Variants in PPP2R5C observed in about 807,000 individuals in gnomAD.
The protein encoded by PPP2R5C is protein phosphatase 2 regulatory subunit B'gamma, also known as serine/threonine-protein phosphatase 2A 56 kDa regulatory subunit gamma isoform.
Under a neutral mutation model 68.9 loss-of-function variants are expected in PPP2R5C, and 7 were observed. That is an observed-to-expected ratio of 0.10 (90% CI 0.06 to 0.19). PPP2R5C has a LOEUF of 0.19. Among genes scored for constraint, PPP2R5C ranks in the 10% least tolerant of loss-of-function variants. The probability of loss-of-function intolerance (pLI) is 1.00; values close to 1 mark genes in which losing one functional copy is unlikely to be tolerated. For synonymous variants in PPP2R5C, 210 were observed against 222.2 expected (o/e 0.95, Z 0.49); for missense variants, 348 against 641.3 (o/e 0.54, Z 4.94).
chr14:101,873,281 C>G (rs1326702872), intron 2 of PPP2R5C, among the ~76,000 whole-genome samples: 1 of 152,202 alleles, frequency 6.6e-6, no homozygotes, highest in Non-Finnish European at 1.5e-5. Flanking sequence ...TCTCCTGCTT[C>G]TTTGCGTGTC....
chr14:101,886,652 A>T (rs1890159646), intron 5 of PPP2R5C, among the ~76,000 whole-genome samples: 1 of 152,078 alleles, frequency 6.6e-6, no homozygotes, highest in Non-Finnish European at 1.5e-5. Flanking sequence ...TCCTCATTTC[A>T]TGTGAGGAAA....
At chr14:101,773,219 G>A (rs991199875) in intron 2 of PPP2R5C, among the ~76,000 whole-genome samples, 2 of 152,034 alleles carry the variant, frequency 1.3e-5, no homozygotes, top group African/African-American at 4.8e-5. Flanking sequence ...TGTTTTCTGC[G>A]GGGCACTAGT....
intron 1 of PPP2R5C, among the ~76,000 whole-genome samples, chr14:101,832,268 AG>A (rs991630092): frequency 1.3e-5 from 2 of 152,222 alleles, no homozygotes; most frequent in African/African-American, 4.8e-5. Context: ...GATTCCTCCA[AG>A]TGTGGCAAGT....
chr14:101,808,090 AGAG>A (rs1337460190), upstream of PPP2R5C, among the ~76,000 whole-genome samples: 27 of 150,704 alleles, frequency 1.8e-4, no homozygotes, highest in South Asian at 2.3e-3. Flanking sequence ...GGCATCACTC[AGAG>A]GAGGAGGAGG....
At chr14:101,799,141 G>A (rs1186540914) in intron 3 of PPP2R5C, among the ~76,000 whole-genome samples, 2 of 152,134 alleles carry the variant, frequency 1.3e-5, no homozygotes, top group Non-Finnish European at 1.5e-5. Flanking sequence ...GCCACAGACC[G>A]GGAGGGAAGA....
rs2046734288 is a variant in PPP2R5C at position 101,917,370 on chromosome 14, C to A, written c.1327-461C>A. Among the ~76,000 whole-genome samples, 1 of 152,068 alleles carries A rather than the reference C, an allele frequency of 6.6e-6. No individual in the cohort carries two copies. The highest frequency in any genetic ancestry group is 2.4e-5 in the African/African-American group (1 of 41,394). The stretch of plus-strand genomic sequence containing the variant: ...GGGATAAAGGGGAGAGAGAACCGTG[C>A]CAGCTGTCTCGATGAGAGGACATGA... On this transcript the variant is annotated intron_variant, in intron 12 of 13. Transcript: ENST00000334743. This position sits in a 1 kb window ranked among gnomAD's most constrained non-coding sequence, Gnocchi z 4.4.
intron 1 of PPP2R5C, among the ~76,000 whole-genome samples, chr14:101,813,848 TG>T (rs1260821561): frequency 6.6e-6 from 1 of 152,210 alleles, no homozygotes; most frequent in African/African-American, 2.4e-5. Flanking sequence ...CATTTTTTCT[TG>T]GGAAGTGGAA....
At chr14:101,829,914 C>T (rs756358605) in intron 1 of PPP2R5C, among the ~76,000 whole-genome samples, 3 of 151,792 alleles carry the variant, frequency 2.0e-5, no homozygotes, top group South Asian at 2.1e-4. Flanking sequence ...TCCTAGGGAC[C>T]GAACACTGGT....
chr14:101,914,258 G>A (rs892367194), intron 12 of PPP2R5C: 6 of 451,472 alleles, frequency 1.3e-5, no homozygotes, highest in African/African-American at 1.0e-4. Context: ...CTGTGTTGAC[G>A]CCATCTGTGA....
At chr14:101,836,503 G>T in intron 1 of PPP2R5C, 1 of 597,892 alleles carries the variant, frequency 1.7e-6, no homozygotes, top group Admixed American at 2.7e-5. Context: ...GCCAGGATCT[G>T]CAGATAGTTC....
chr14:101,798,084 GC>G (rs979804005), intron 3 of PPP2R5C, among the ~76,000 whole-genome samples: 40 of 151,900 alleles, frequency 2.6e-4, no homozygotes, highest in Non-Finnish European at 7.4e-5. Flanking sequence ...GTGAAGTGAA[GC>G]CAATTTTTTT....
At chr14:101,905,127 G>A (rs1426373896) in intron 9 of PPP2R5C, among the ~76,000 whole-genome samples, 1 of 152,244 alleles carries the variant, frequency 6.6e-6, no homozygotes, top group Non-Finnish European at 1.5e-5. Flanking sequence ...GCCAAGGCGG[G>A]TGGATCACCT....
intron 2 of PPP2R5C, among the ~76,000 whole-genome samples, chr14:101,863,134 C>G (rs900956112): frequency 1.3e-5 from 2 of 151,962 alleles, no homozygotes; most frequent in African/African-American, 4.8e-5. Context: ...ATGGTGAAAC[C>G]CTGTCTCTAC....
chr14:101,855,285 T>C (rs1190211412), intron 1 of PPP2R5C, among the ~76,000 whole-genome samples: 1 of 152,244 alleles, frequency 6.6e-6, no homozygotes, highest in Admixed American at 6.5e-5. Flanking sequence ...CTAGGAGACA[T>C]TAAGACAAGG....
intron 1 of PPP2R5C, among the ~76,000 whole-genome samples, chr14:101,849,686 A>T (rs1198472730): frequency 1.1e-5 from 1 of 90,670 alleles, no homozygotes; most frequent in Non-Finnish European, 2.5e-5. Flanking sequence ...TATGTATATA[A>T]TTTGATCCAG....
rs1229717363 is a variant in PPP2R5C, at chr14:101,891,449, G to A, written c.689+1153G>A. 7.0e-6 allele frequency among the ~76,000 whole-genome samples: 1 copy of A among 143,006 alleles called. No individual in the cohort carries two copies. The highest frequency in any genetic ancestry group is 1.5e-5 in the Non-Finnish European group (1 of 67,034). The allele number at this position is 143,006 out of a possible 152,430, so 93.8% of individuals were successfully genotyped here. A position where few individuals can be genotyped will look rare whatever the true frequency, so the allele number is the denominator to read the frequency against. ...TTTCTCCCTCAGTGCAGTGCAGTGA[G>A]TGGTGAAGAGGATGCCTCTCTTACT... On this transcript the variant is annotated intron_variant, in intron 6 of 13. Transcript: ENST00000334743. The surrounding 1 kb of genome is among the most constrained non-coding windows in gnomAD (Gnocchi z 4.9).
At chr14:101,856,369 T>C (rs770270291) in intron 1 of PPP2R5C, among the ~76,000 whole-genome samples, 9 of 152,242 alleles carry the variant, frequency 5.9e-5, no homozygotes, top group Non-Finnish European at 1.3e-4. Context: ...ACACGGTGCC[T>C]GTGATCATTG....
intron 13 of PPP2R5C, among the ~76,000 whole-genome samples, chr14:101,919,613 C>T (rs948295228): frequency 6.6e-6 from 1 of 152,176 alleles, no homozygotes; most frequent in African/African-American, 2.4e-5. Context: ...TGTGAGGGAA[C>T]CTGCCTGGGA....
intron 8 of PPP2R5C, among the ~76,000 whole-genome samples, chr14:101,896,636 CAAAAA>C (rs34603513): frequency 9.1e-6 from 1 of 110,418 alleles, no homozygotes; most frequent in Admixed American, 9.6e-5. Flanking sequence ...ACCCTGTCTC[CAAAAA>C]AAAAAAAAAA....
Sources: gnomAD v4.1 joint callset for allele counts (sites outside exome capture counted in the v4.1 genomes callset) on GRCh38, gnomAD v4.1.1 for gene constraint, Gnocchi (gnomAD v3.1) non-coding constraint, MANE v1.5 for transcripts, NCBI Gene and HGNC (gene_info 2026-07-23, HGNC 2026-07-21) for gene names.